CNTNAP5: variants seen among roughly 807,000 people sequenced by gnomAD.
CNTNAP5 encodes contactin-associated protein-like 5.
CNTNAP5 carries 72 observed loss-of-function variants against 150.2 expected under a neutral mutation model. The observed-to-expected ratio is 0.48, with a 90% CI of 0.40 to 0.58. The LOEUF (loss-of-function observed/expected upper bound fraction) is 0.58, where lower values mean the gene tolerates loss of function less well. Among genes scored for constraint, CNTNAP5 ranks in the 20% least tolerant of loss-of-function variants. The probability of loss-of-function intolerance (pLI) is 0.00; values close to 1 mark genes in which losing one functional copy is unlikely to be tolerated. For synonymous variants in CNTNAP5, 672 were observed against 619.8 expected (o/e 1.08, Z -1.25); for missense variants, 1,636 against 1,626.2 (o/e 1.01, Z -0.10).
intron 3 of CNTNAP5, among the ~76,000 whole-genome samples, chr2:124,282,627 T>G (rs1371810291): frequency 6.6e-6 from 1 of 152,092 alleles, no homozygotes; most frequent in Non-Finnish European, 1.5e-5. Context: ...GGACTTTTTT[T>G]TTTTTTGCAT....
At chr2:124,589,448 T>G (rs1459929822) in intron 11 of CNTNAP5, among the ~76,000 whole-genome samples, 1 of 152,216 alleles carries the variant, frequency 6.6e-6, no homozygotes, top group African/African-American at 2.4e-5. Flanking sequence ...TTTGGGTTGT[T>G]TCCACTTTTT....
chr2:124,843,749 G>A (rs55659425), intron 19 of CNTNAP5, among the ~76,000 whole-genome samples: 7,402 of 152,072 alleles, frequency 0.049, 519 homozygotes, highest in African/African-American at 0.16. Flanking sequence ...ACATTTCCCT[G>A]ATAATTAGTT....
At chr2:124,711,948 G>A (rs1679817154) in intron 13 of CNTNAP5, among the ~76,000 whole-genome samples, 2 of 152,128 alleles carry the variant, frequency 1.3e-5, no homozygotes, top group Non-Finnish European at 2.9e-5. Context: ...CCTTAAGCCT[G>A]ACCCTAGACA....
At chr2:124,679,024 T>G (rs141037906) in intron 13 of CNTNAP5, among the ~76,000 whole-genome samples, 1,666 of 151,996 alleles carry the variant, frequency 0.011, 35 homozygotes, top group African/African-American at 0.038. Context: ...GCAACAAACC[T>G]GTTTCAGGCA....
At chr2:124,498,391 G>C (rs543485194) in intron 7 of CNTNAP5, among the ~76,000 whole-genome samples, 1 of 152,160 alleles carries the variant, frequency 6.6e-6, no homozygotes, top group Non-Finnish European at 1.5e-5. Flanking sequence ...TTTCTGGGGA[G>C]GGGGAGGGAA....
intron 19 of CNTNAP5, among the ~76,000 whole-genome samples, chr2:124,826,498 C>T (rs774861014): frequency 6.6e-5 from 10 of 152,126 alleles, no homozygotes; most frequent in African/African-American, 2.4e-5. Context: ...TCACTTTATT[C>T]TGGGATGAAG....
At chr2:124,313,288 T>C (rs554354336) in intron 3 of CNTNAP5, among the ~76,000 whole-genome samples, 1 of 152,374 alleles carries the variant, frequency 6.6e-6, no homozygotes, top group South Asian at 2.1e-4. Context: ...TGTTTTGTTT[T>C]TTCTGTTACA....
At chr2:124,846,928 T>C (rs1683059933) in intron 19 of CNTNAP5, among the ~76,000 whole-genome samples, 1 of 152,186 alleles carries the variant, frequency 6.6e-6, no homozygotes. Context: ...ATGATTTGCC[T>C]TCTGATCTTG....
Position 124,446,812 on chromosome 2 carries a change from G to C in CNTNAP5, c.793G>C (p.Asp265His). ...CTCTGCCACCCTGGGCAGCCTCCTG[G>C]ATGACCAGCACTGGCACTCGGTCCT... ...LPSATLGSLL[D>H]DQHWHSVLIE... The change falls in exon 6 of 24, where the codon GAT becomes CAT. Residue 265 changes from aspartate to histidine, a missense_variant. By Grantham distance (81) the Asp-to-His change is moderately conservative. Coordinates refer to ENST00000682447, the MANE Select transcript of CNTNAP5 (RefSeq NM_001367498.1). 6.2e-7 allele frequency: 1 copy of C among 1,613,846 alleles called. No homozygotes were observed. Among genetic ancestry groups the C allele is most frequent in the South Asian group, 1.1e-5 (1 of 91,068 alleles).
At chr2:124,330,060 C>T (rs1171586218) in intron 3 of CNTNAP5, among the ~76,000 whole-genome samples, 1 of 152,218 alleles carries the variant, frequency 6.6e-6, no homozygotes, top group East Asian at 1.9e-4. Flanking sequence ...GGATTCTTCT[C>T]TTCTTGAGGC....
At chr2:124,574,873 C>T (rs1331658927) in intron 11 of CNTNAP5, among the ~76,000 whole-genome samples, 1 of 152,152 alleles carries the variant, frequency 6.6e-6, no homozygotes, top group Non-Finnish European at 1.5e-5. Flanking sequence ...TTCTATAACA[C>T]AATAACACTG....
Position 124,763,695 on chromosome 2 carries a change from C to T in CNTNAP5, c.2258C>T (p.Ser753Phe), listed in dbSNP as rs767985796. 5.6e-6 allele frequency: 9 copies of T among 1,612,542 alleles called. No individual in the cohort carries two copies. The South Asian group carries it at 9.9e-5, about 18-fold the overall frequency. ...AGGACAAATGATACTGGCTTTCTTTCCTTCAAAGACCACTTGCCTGTCACT... is the reference window on the plus strand; with the variant it reads ...AGGACAAATGATACTGGCTTTCTTTTCTTCAAAGACCACTTGCCTGTCACT... Reference protein sequence around the residue: ...DEWTNDTGFLSFKDHLPVTQI... With the variant: ...DEWTNDTGFLFFKDHLPVTQI... Residue 753 changes from serine (S) to phenylalanine (F), a missense_variant, in exon 15 of 24, where the codon TCC becomes TTC. Physicochemically the swap from Ser to Phe is radical, Grantham distance 155. Coordinates refer to ENST00000682447, the MANE Select transcript of CNTNAP5 (RefSeq NM_001367498.1).
intron 3 of CNTNAP5, among the ~76,000 whole-genome samples, chr2:124,362,003 A>C (rs987631067): frequency 1.3e-5 from 2 of 152,182 alleles, no homozygotes; most frequent in Non-Finnish European, 2.9e-5. Context: ...GCGGGATATA[A>C]TCTTGTGGTG....
intron 10 of CNTNAP5, among the ~76,000 whole-genome samples, chr2:124,557,971 G>T (rs13410749): frequency 0.017 from 2,568 of 152,222 alleles, 71 homozygotes; most frequent in African/African-American, 0.058. Flanking sequence ...TGAGTTGAGA[G>T]TGTTAAGGGG....
At chr2:124,053,491 G>C (rs889434191) in intron 1 of CNTNAP5, among the ~76,000 whole-genome samples, 1 of 152,138 alleles carries the variant, frequency 6.6e-6, no homozygotes, top group African/African-American at 2.4e-5. Flanking sequence ...CCCATCTGGG[G>C]GCAGAATACC....
intron 2 of CNTNAP5, among the ~76,000 whole-genome samples, chr2:124,232,328 T>C (rs955347547): frequency 3.3e-5 from 5 of 152,146 alleles, no homozygotes; most frequent in South Asian, 2.1e-4. Flanking sequence ...AGCTGGAACA[T>C]TGTGTGGTAG....
chr2:124,577,586 G>T (rs936470480), intron 11 of CNTNAP5, among the ~76,000 whole-genome samples: 6 of 152,080 alleles, frequency 3.9e-5, no homozygotes, highest in African/African-American at 1.4e-4. Context: ...CTGTTCTCAA[G>T]GACTTTAAAA....
chr2:124,138,452 C>A (rs557004686), intron 1 of CNTNAP5, among the ~76,000 whole-genome samples: 1 of 152,160 alleles, frequency 6.6e-6, no homozygotes, highest in South Asian at 2.1e-4. Context: ...GATTTCATGC[C>A]TCATTACAAA....
At chr2:124,117,692 C>T (rs1431629094) in intron 1 of CNTNAP5, among the ~76,000 whole-genome samples, 1 of 152,190 alleles carries the variant, frequency 6.6e-6, no homozygotes, top group Non-Finnish European at 1.5e-5. Context: ...AAAACCAGTA[C>T]TTACCTACTC....
Sources: allele counts gnomAD v4.1 joint callset (sites outside exome capture counted in the v4.1 genomes callset), GRCh38; gene constraint gnomAD v4.1.1; transcripts MANE v1.5; gene names NCBI Gene and HGNC (gene_info 2026-07-23, HGNC 2026-07-21).